Variants in VWCE observed in about 807,000 individuals in gnomAD.
VWCE encodes von Willebrand factor C and EGF domains, also known as von Willebrand factor C and EGF domain-containing protein.
A neutral mutation model predicts 102.9 loss-of-function variants in VWCE; 68 were observed. The observed-to-expected ratio is 0.66, with a 90% CI of 0.54 to 0.81. VWCE has a LOEUF of 0.81. Ranked by LOEUF, VWCE falls within the 30% of genes least tolerant of loss-of-function variation. The pLI, the probability that VWCE is intolerant of heterozygous loss-of-function variation, is 0.00. For synonymous variants in VWCE, 497 were observed against 515.4 expected, an observed-to-expected ratio of 0.96 and a Z score of 0.48; for missense variants, 1,137 against 1,263.6, an observed-to-expected ratio of 0.90 and a Z score of 1.52.
intron 11 of VWCE, 65 bp from the exon 12 acceptor site, chr11:61,274,649 A>G (rs1590631710): frequency 6.7e-7 from 1 of 1,488,282 alleles, no homozygotes; most frequent in Non-Finnish European, 9.3e-7. Flanking sequence ...GAAAGGGGGG[A>G]ACAAATGGGT....
chr11:61,295,037 TGACCGGCGGCGGCGGGTCCCCC>T lies in VWCE; in HGVS notation c.-22_-1del. 7.2e-7 allele frequency: 1 copy of T among 1,382,140 alleles called. No homozygotes were observed. The highest frequency in any genetic ancestry group is 9.4e-7 in the Non-Finnish European group (1 of 1,064,888). The allele number at this position is 1,382,140 out of a possible 1,614,324, so 85.6% of individuals were successfully genotyped here. A position where few individuals can be genotyped will look rare whatever the true frequency, so the allele number is the denominator to read the frequency against. The stretch of plus-strand genomic sequence containing the variant: ...GCCCGAAGGAGCAGTCCGGCCCACA[TGACCGGCGGCGGCGGGTCCCCC>T]GGGCTGGGCTCGGCTCCTGCGCCGC... On this transcript the variant is annotated 5_prime_UTR_variant, in exon 1 of 20. Transcript: ENST00000335613. This position sits in a 1 kb window ranked among gnomAD's most constrained non-coding sequence, Gnocchi z 4.6.
intron 19 of VWCE, among the ~76,000 whole-genome samples, chr11:61,260,162 C>T (rs1230221930): frequency 3.3e-5 from 5 of 152,072 alleles, no homozygotes; most frequent in Non-Finnish European, 4.4e-5. Context: ...GGCTGAGGCG[C>T]GAGAATCACT....
intron 11 of VWCE, among the ~76,000 whole-genome samples, chr11:61,275,724 C>T (rs1192669785): frequency 2.0e-5 from 3 of 152,108 alleles, no homozygotes; most frequent in African/African-American, 7.2e-5. Context: ...TGGTAAGCGC[C>T]CCACACAGCA....
Position 61,289,249 on chromosome 11 carries a change from A to T in VWCE, c.424+1550T>A, listed in dbSNP as rs111712063. 3.4e-4 allele frequency among the ~76,000 whole-genome samples: 52 copies of T among 151,294 alleles called. No homozygotes were observed. The Middle Eastern group carries it at 0.01, about 30-fold the overall frequency. On this transcript the variant is annotated intron_variant, in intron 4 of 19. Transcript: ENST00000335613. ...CCACATATGTAACTGCTAAAAAAAA[A>T]TTTTTTTTCTTTTTGTTTTTTTGAG...
chr11:61,268,253 T>C (rs560743765), intron 15 of VWCE, among the ~76,000 whole-genome samples: 5 of 152,256 alleles, frequency 3.3e-5, no homozygotes, highest in African/African-American at 9.6e-5. Flanking sequence ...GTACTTTTTT[T>C]CTAAATTTTC....
At chr11:61,288,514 C>T (rs907441784) in intron 4 of VWCE, among the ~76,000 whole-genome samples, 4 of 152,182 alleles carry the variant, frequency 2.6e-5, no homozygotes, top group Admixed American at 6.6e-5. Flanking sequence ...TGCTCAACAC[C>T]GCTAAGAAGC....
intron 19 of VWCE, among the ~76,000 whole-genome samples, chr11:61,262,797 C>T (rs1854398315): frequency 6.6e-6 from 1 of 152,184 alleles, no homozygotes; most frequent in Admixed American, 6.5e-5. Flanking sequence ...TCCCTGTCTT[C>T]CTAGAAGTTT....
Position 61,280,841 on chromosome 11 carries a change from T to C in VWCE, c.1182A>G (p.Glu394=). ...CAGGCTCTGTCCAGCGACTCCTTGA[T>C]TCATGCATGGCTCCCAGGTGCCAGC... ...SPCWHLGAMH[E]SRSRWTEPGC... is the part of the protein sequence containing the mutation. The change falls in exon 8 of 20, where the codon GAA becomes GAG. Residue 394 remains glutamate (E), a synonymous_variant. Transcript: ENST00000335613. 6.4e-7 allele frequency: 1 copy of C among 1,552,968 alleles called. No individual in the cohort carries two copies. The highest frequency in any genetic ancestry group is 1.7e-4 in the Middle Eastern group (1 of 5,748).
At chr11:61,269,345 C>T (rs1854604939) in intron 14 of VWCE, 1 of 351,142 alleles carries the variant, frequency 2.8e-6, no homozygotes, top group Non-Finnish European at 5.4e-6. Context: ...CCCTGGCTCA[C>T]CAGGAACCTA....
At position 61,271,835 on chromosome 11, in the gene VWCE, G is replaced by T. The variant is rs1243696630; in HGVS notation, c.1700-75C>A. Reference sequence around the variant, plus strand: ...ACAGCAGCAAGGACAGATGCCTCATGCGCACAAACACACACAGACACCGAT... The same window carrying T: ...ACAGCAGCAAGGACAGATGCCTCATTCGCACAAACACACACAGACACCGAT... On this transcript the variant is annotated intron_variant, in intron 13 of 19. Coordinates refer to ENST00000335613, the MANE Select transcript of VWCE (RefSeq NM_152718.2). 7 of 1,316,124 alleles carry T rather than the reference G, an allele frequency of 5.3e-6. No individual in the cohort carries two copies. The Admixed American group carries it at 1.3e-4, about 25-fold the overall frequency. The allele number at this position is 1,316,124 out of a possible 1,614,324, so 81.5% of individuals were successfully genotyped here. A position where few individuals can be genotyped will look rare whatever the true frequency, so the allele number is the denominator to read the frequency against.
chr11:61,285,539 G>C (rs1020903422), intron 5 of VWCE, among the ~76,000 whole-genome samples: 35 of 152,198 alleles, frequency 2.3e-4, no homozygotes, highest in African/African-American at 8.4e-4. Context: ...CAGAGCCTGG[G>C]CCAGCAGTGG....
rs1441808437 is a variant in VWCE at position 61,281,216 on chromosome 11, C to T, written c.807G>A (p.Leu269=). 6.2e-7 allele frequency: 1 copy of T among 1,612,686 alleles called. No individual in the cohort carries two copies. The highest frequency in any genetic ancestry group is 1.7e-5 in the Admixed American group (1 of 60,004). ...VSCEAFPKAV[L]APSAILQPRQ... ...GGGGTTGCAGGATGGCAGATGGGGCCAGCACGGCTTTCGGGAAAGCTGAAA... is the reference window on the plus strand; with the variant it reads ...GGGGTTGCAGGATGGCAGATGGGGCTAGCACGGCTTTCGGGAAAGCTGAAA... Residue 269 remains leucine (L), a synonymous_variant, in exon 8 of 20, where the codon CTG becomes CTA. Transcript: ENST00000335613.
At chr11:61,265,337 G>T in intron 16 of VWCE, 125 bp from the exon 17 acceptor site, 1 of 873,520 alleles carries the variant, frequency 1.1e-6, no homozygotes, top group Non-Finnish European at 1.7e-6. Flanking sequence ...AGGAGTCCAT[G>T]GTGGGGCAGT....
intron 14 of VWCE, 82 bp downstream of exon 14, chr11:61,271,593 G>C: frequency 1.5e-6 from 2 of 1,378,864 alleles, no homozygotes; most frequent in Non-Finnish European, 2.0e-6. Flanking sequence ...GCCAGCCTCT[G>C]GAGGGGCCAG....
Position 61,259,053 on chromosome 11 carries a change from C to T in VWCE, c.2490G>A (p.Leu830=). 6.2e-7 allele frequency: 1 copy of T among 1,613,944 alleles called. No individual in the cohort carries two copies. The highest frequency in any genetic ancestry group is 8.5e-7 in the Non-Finnish European group (1 of 1,179,874). The change falls in exon 20 of 20, where the codon CTG becomes CTA. Residue 830 remains leucine, a synonymous_variant. Coordinates refer to ENST00000335613, the MANE Select transcript of VWCE (RefSeq NM_152718.2). ...CAGGCTCCCCTGGGAAAGTGGCTGTCAGCCCCAAAGCGAGTGAGTGTGGAC... is the reference window on the plus strand; with the variant it reads ...CAGGCTCCCCTGGGAAAGTGGCTGTTAGCCCCAAAGCGAGTGAGTGTGGAC... The part of the protein sequence containing the change: ...AHGPHSLALG[L]TATFPGEPGA...
chr11:61,282,937 T>C lies in VWCE; in HGVS notation c.542-32A>G, dbSNP rs749335761. On this transcript the variant is annotated intron_variant, in intron 5 of 19. Transcript: ENST00000335613. ...GGAAAAGGGACAAGACTGGGGTTCA[T>C]TTCCCCAACAGAACCTTGGAAATAT... 5 of 1,559,008 alleles carry C rather than the reference T, an allele frequency of 3.2e-6. No individual in the cohort carries two copies. In the South Asian group the frequency reaches 3.3e-5, roughly 10 times the overall value.
In VWCE at chr11:61,281,828, G is replaced by A. The variant is rs749806453; in HGVS notation, c.745C>T (p.Arg249Ter). 3 of 1,613,868 alleles carry A rather than the reference G, an allele frequency of 1.9e-6. No individual in the cohort carries two copies. Among genetic ancestry groups the A allele is most frequent in the Non-Finnish European group, 8.5e-7 (1 of 1,179,866 alleles). Residue 249 changes from arginine (R) to a stop codon, truncating the protein, a stop_gained, in exon 7 of 20, where the codon CGA (arginine) becomes TGA (stop). Transcript: ENST00000335613. LOFTEE classifies it high-confidence loss of function. ...TCAGCTCGGAGCCTGAAGCCAGGTCGGCATGTGCATAGGAAGCTGCCCACG... is the reference window on the plus strand; with the variant it reads ...TCAGCTCGGAGCCTGAAGCCAGGTCAGCATGTGCATAGGAAGCTGCCCACG... ...NTVGSFLCTC[R>*]PGFRLRADRV... is the part of the protein sequence containing the mutation.
chr11:61,265,066 A>G (rs1375767141), intron 17 of VWCE, 28 bp from the exon 18 acceptor site: 2 of 1,614,100 alleles, frequency 1.2e-6, no homozygotes, highest in Non-Finnish European at 1.7e-6. Context: ...ACAGGAGCCC[A>G]TGAGAGCCGA....
chr11:61,283,287 C>A (rs2134825559), intron 5 of VWCE, among the ~76,000 whole-genome samples: 1 of 152,328 alleles, frequency 6.6e-6, no homozygotes, highest in South Asian at 2.1e-4. Flanking sequence ...AGGCCACAGA[C>A]CTCATCTTAG....
Sources: allele counts gnomAD v4.1 joint callset (sites outside exome capture counted in the v4.1 genomes callset), GRCh38; gene constraint gnomAD v4.1.1; non-coding constraint Gnocchi (gnomAD v3.1); transcripts MANE v1.5; gene names NCBI Gene and HGNC (gene_info 2026-07-23, HGNC 2026-07-21).